The following GRID2 variants were observed in gnomAD, a reference collection of about 807,000 sequenced individuals.
GRID2 encodes the protein glutamate ionotropic receptor delta type subunit 2.
A neutral mutation model predicts 114.8 loss-of-function variants in GRID2; 33 were observed. That is an observed-to-expected ratio of 0.29 (90% CI 0.22 to 0.38). The LOEUF is 0.38. Among genes scored for constraint, GRID2 ranks in the 10% least tolerant of loss-of-function variants. GRID2 has a pLI of 1.00. For synonymous variants in GRID2, 505 were observed against 449.9 expected (o/e 1.12, Z -1.55); for missense variants, 1,184 against 1,257.7 (o/e 0.94, Z 0.89).
intron 2 of GRID2, among the ~76,000 whole-genome samples, chr4:92,781,798 A>G (rs978367384): frequency 6.6e-6 from 1 of 152,062 alleles, no homozygotes; most frequent in Admixed American, 6.6e-5. Flanking sequence ...CTACAAGGTC[A>G]TTAATCAAAA....
intron 8 of GRID2, among the ~76,000 whole-genome samples, chr4:93,329,420 TTAA>T (rs1365542314): frequency 6.6e-6 from 1 of 152,174 alleles, no homozygotes; most frequent in Middle Eastern, 3.2e-3. Context: ...TTGATATCTG[TTAA>T]TAATAATATG....
chr4:93,145,402 A>T (rs183535122), intron 4 of GRID2, among the ~76,000 whole-genome samples: 154 of 151,570 alleles, frequency 1.0e-3, no homozygotes, highest in Non-Finnish European at 1.1e-3. Flanking sequence ...TAGTAGTTGA[A>T]CTCTTAATTT....
At chr4:93,319,024 C>T (rs1260276912) in intron 8 of GRID2, 2 of 152,204 alleles carry the variant, frequency 1.3e-5, no homozygotes, top group Non-Finnish European at 2.9e-5. Context: ...ATACTCCAAT[C>T]GTAATAGTAA....
intron 13 of GRID2, among the ~76,000 whole-genome samples, chr4:93,535,574 A>G (rs1042566266): frequency 2.6e-5 from 4 of 151,802 alleles, no homozygotes; most frequent in Non-Finnish European, 5.9e-5. Context: ...TCTTTTGTCT[A>G]TTTAATAATA....
intron 2 of GRID2, among the ~76,000 whole-genome samples, chr4:93,038,610 G>A (rs1447043461): frequency 6.6e-6 from 1 of 152,080 alleles, no homozygotes; most frequent in East Asian, 1.9e-4. Flanking sequence ...CTAACATGGT[G>A]AAACCCTGTC....
At chr4:93,372,172 A>G (rs969231867) in intron 8 of GRID2, among the ~76,000 whole-genome samples, 19 of 152,340 alleles carry the variant, frequency 1.2e-4, no homozygotes, top group Middle Eastern at 3.4e-3. Flanking sequence ...AACAAAGGTA[A>G]CAATAAAATA....
intron 2 of GRID2, among the ~76,000 whole-genome samples, chr4:92,985,391 T>G (rs1258434334): frequency 6.6e-6 from 1 of 151,882 alleles, no homozygotes; most frequent in Non-Finnish European, 1.5e-5. Flanking sequence ...CCCGCCACCA[T>G]GCCGGGCTAA....
At position 92,764,350 on chromosome 4, in the gene GRID2, A is replaced by G. The variant is rs181448367; in HGVS notation, c.244+174064A>G. ...CCCAAAATAGTACAAGGAAGGAGGC[A>G]TGTAAATTGAGGAACTCTATTTAAA... is the stretch of plus-strand genomic sequence containing the variant. On this transcript the variant is annotated intron_variant, in intron 2 of 15. Coordinates refer to ENST00000282020, the MANE Select transcript of GRID2 (RefSeq NM_001510.4). 2.5e-3 allele frequency among the ~76,000 whole-genome samples: 384 copies of G among 152,326 alleles called. 1 individual carries two copies. Among genetic ancestry groups the G allele is most frequent in the African/African-American group, 8.5e-3 (353 of 41,578 alleles).
intron 8 of GRID2, among the ~76,000 whole-genome samples, chr4:93,303,817 T>C (rs1755127533): frequency 6.6e-6 from 1 of 152,204 alleles, no homozygotes; most frequent in Admixed American, 6.6e-5. Flanking sequence ...ATACATCTTA[T>C]GAGTTTCTTC....
intron 2 of GRID2, among the ~76,000 whole-genome samples, chr4:92,627,963 A>C (rs1054344505): frequency 6.6e-6 from 1 of 152,186 alleles, no homozygotes; most frequent in Non-Finnish European, 1.5e-5. Flanking sequence ...GTGCAGTGAC[A>C]CATCATTATA....
At chr4:92,371,934 T>C (rs1357334085) in intron 1 of GRID2, among the ~76,000 whole-genome samples, 1 of 152,098 alleles carries the variant, frequency 6.6e-6, no homozygotes, top group Non-Finnish European at 1.5e-5. Context: ...TTAACAGGGC[T>C]TTGGAAGAGG....
intron 2 of GRID2, among the ~76,000 whole-genome samples, chr4:92,988,054 A>G (rs1754621311): frequency 1.3e-5 from 2 of 152,174 alleles, no homozygotes; most frequent in Admixed American, 1.3e-4. Flanking sequence ...AACTATTCAT[A>G]TTGGTTATCT....
At chr4:93,173,803 T>C (rs1213823451) in intron 4 of GRID2, among the ~76,000 whole-genome samples, 1 of 152,086 alleles carries the variant, frequency 6.6e-6, no homozygotes, top group African/African-American at 2.4e-5. Context: ...CTCATTTTTA[T>C]ATGTTTTTGG....
intron 8 of GRID2, among the ~76,000 whole-genome samples, chr4:93,374,581 T>C (rs1454843443): frequency 7.0e-6 from 1 of 143,304 alleles, no homozygotes; most frequent in Admixed American, 6.7e-5. Context: ...TTTAAATAAG[T>C]ATATAATTTT....
At chr4:92,570,758 G>T (rs989379208) in intron 1 of GRID2, among the ~76,000 whole-genome samples, 2 of 151,964 alleles carry the variant, frequency 1.3e-5, no homozygotes, top group South Asian at 2.1e-4. Context: ...CTTGTCTGTT[G>T]TTGGCATATA....
At chr4:92,503,490 A>C in intron 1 of GRID2, among the ~76,000 whole-genome samples, 1 of 152,146 alleles carries the variant, frequency 6.6e-6, no homozygotes, top group East Asian at 1.9e-4. Flanking sequence ...GTTTCCTAAA[A>C]AGATGTCCCA....
At chr4:92,758,964 A>T (rs545774004) in intron 2 of GRID2, among the ~76,000 whole-genome samples, 1 of 152,214 alleles carries the variant, frequency 6.6e-6, no homozygotes, top group South Asian at 2.1e-4. Flanking sequence ...TGGAATATTT[A>T]GGCTAAATTA....
At chr4:93,731,246 G>A (rs1730460400) in intron 14 of GRID2, among the ~76,000 whole-genome samples, 1 of 152,136 alleles carries the variant, frequency 6.6e-6, no homozygotes, top group Non-Finnish European at 1.5e-5. Context: ...GAGAACAGAG[G>A]CCAAGAAGGT....
chr4:93,670,536 AC>A (rs1461459381), intron 14 of GRID2, among the ~76,000 whole-genome samples: 1 of 152,206 alleles, frequency 6.6e-6, no homozygotes, highest in African/African-American at 2.4e-5. Context: ...ATTTATCAAA[AC>A]AAAACTTTGA....
Sources: gnomAD v4.1 joint callset for allele counts (sites outside exome capture counted in the v4.1 genomes callset) on GRCh38, gnomAD v4.1.1 for gene constraint, MANE v1.5 for transcripts, NCBI Gene and HGNC (gene_info 2026-07-23, HGNC 2026-07-21) for gene names.